PCOLCE2: variants seen among roughly 807,000 people sequenced by gnomAD.
PCOLCE2 encodes procollagen C-endopeptidase enhancer 2.
Under a neutral mutation model 47.0 loss-of-function variants are expected in PCOLCE2, and 42 were observed. The ratio of observed to expected loss-of-function variants is 0.89; its 90% CI spans 0.70 to 1.16. The LOEUF (loss-of-function observed/expected upper bound fraction) is 1.16. PCOLCE2 is among the 50% of genes most tolerant of loss of function. The probability of loss-of-function intolerance (pLI) is 0.00; values close to 1 mark genes in which losing one functional copy is unlikely to be tolerated. For missense variants in PCOLCE2, 500 were observed against 526.1 expected, an observed-to-expected ratio of 0.95 and a Z score of 0.49; for synonymous variants, 169 against 191.7, an observed-to-expected ratio of 0.88 and a Z score of 0.98.
At chr3:142,820,076 T>C (rs951047780) in intron 8 of PCOLCE2, among the ~76,000 whole-genome samples, 1 of 152,010 alleles carries the variant, frequency 6.6e-6, no homozygotes, top group South Asian at 2.1e-4. Context: ...CCATGCTTTA[T>C]GTGGATAGAA....
At chr3:142,837,852 A>T (rs1262752381) in intron 5 of PCOLCE2, among the ~76,000 whole-genome samples, 3 of 152,200 alleles carry the variant, frequency 2.0e-5, no homozygotes, top group Non-Finnish European at 4.4e-5. Context: ...TGGCTCCATA[A>T]ATGTTTGTTG....
chr3:142,837,705 C>G (rs1055259598), intron 5 of PCOLCE2, among the ~76,000 whole-genome samples: 1 of 152,044 alleles, frequency 6.6e-6, no homozygotes, highest in East Asian at 1.9e-4. Context: ...TATATTGCAC[C>G]AGAATTACAC....
chr3:142,847,631 G>A (rs1216190533), intron 3 of PCOLCE2, among the ~76,000 whole-genome samples: 1 of 152,046 alleles, frequency 6.6e-6, no homozygotes, highest in Non-Finnish European at 1.5e-5. Flanking sequence ...GACCTCCCTG[G>A]GCTCAGGTGA....
intron 2 of PCOLCE2, among the ~76,000 whole-genome samples, chr3:142,857,711 C>T (rs532520102): frequency 6.6e-6 from 1 of 152,330 alleles, no homozygotes; most frequent in South Asian, 2.1e-4. Flanking sequence ...ACATCTAGGC[C>T]TCTCCTCTAA....
chr3:142,847,439 T>C (rs1020648131), intron 3 of PCOLCE2, among the ~76,000 whole-genome samples: 3 of 152,238 alleles, frequency 2.0e-5, no homozygotes, highest in African/African-American at 7.2e-5. Context: ...GGTAAAAGGC[T>C]GAAAACATAC....
At chr3:142,848,865 AT>A (rs976383167) in intron 2 of PCOLCE2, among the ~76,000 whole-genome samples, 6 of 152,272 alleles carry the variant, frequency 3.9e-5, no homozygotes, top group African/African-American at 1.4e-4. Flanking sequence ...TAAAAATATC[AT>A]TTCTTGGCCA....
At chr3:142,844,860 T>C (rs964565996) in intron 3 of PCOLCE2, among the ~76,000 whole-genome samples, 2 of 152,212 alleles carry the variant, frequency 1.3e-5, no homozygotes, top group Non-Finnish European at 2.9e-5. Context: ...TTTGTAACCA[T>C]GTCTTTTTAT....
intron 5 of PCOLCE2, among the ~76,000 whole-genome samples, chr3:142,833,979 T>C (rs1415706506): frequency 6.6e-6 from 1 of 152,194 alleles, no homozygotes. Flanking sequence ...ATTTTTTGTG[T>C]GATATTAGCT....
In PCOLCE2 at chr3:142,850,651, A is replaced by C. The variant is rs1406486432; in HGVS notation, c.193-2179T>G. ...GCAACACAGAAGTTTAGCAACCAGA[A>C]GTCACTGGTAATGCTGACAAAGCTG... On this transcript the variant is annotated intron_variant, in intron 2 of 8. Coordinates refer to ENST00000295992, the MANE Select transcript of PCOLCE2 (RefSeq NM_013363.4). 3.3e-5 allele frequency among the ~76,000 whole-genome samples: 5 copies of C among 152,230 alleles called. No homozygotes were observed. The East Asian group carries it at 9.6e-4, about 29-fold the overall frequency.
At chr3:142,862,008 CTG>C (rs1341868523) in intron 2 of PCOLCE2, among the ~76,000 whole-genome samples, 1 of 152,192 alleles carries the variant, frequency 6.6e-6, no homozygotes, top group Non-Finnish European at 1.5e-5. Flanking sequence ...AGTACACAGA[CTG>C]TAATTACCCT....
intron 2 of PCOLCE2, chr3:142,887,373 C>A: frequency 4.1e-6 from 1 of 246,506 alleles, no homozygotes; most frequent in Non-Finnish European, 7.7e-6. Flanking sequence ...CTGAAAACAG[C>A]TTTAATTATG....
At chr3:142,884,373 G>C (rs982219602) in intron 2 of PCOLCE2, among the ~76,000 whole-genome samples, 2 of 152,102 alleles carry the variant, frequency 1.3e-5, no homozygotes, top group Non-Finnish European at 2.9e-5. Context: ...ACTTTCCAAA[G>C]GATTATATAT....
At chr3:142,848,090 A>G (rs1290270935) in intron 3 of PCOLCE2, 127 bp downstream of exon 3, 2 of 886,586 alleles carry the variant, frequency 2.3e-6, no homozygotes, top group Non-Finnish European at 3.4e-6. Flanking sequence ...TGGTCTCATC[A>G]TGGTTTGATG....
chr3:142,829,311 A>C, intron 6 of PCOLCE2, among the ~76,000 whole-genome samples: 1 of 151,788 alleles, frequency 6.6e-6, no homozygotes, highest in Non-Finnish European at 1.5e-5. Flanking sequence ...AAACATTGGC[A>C]GAATATGAAA....
intron 2 of PCOLCE2, among the ~76,000 whole-genome samples, chr3:142,870,502 C>A (rs1480521300): frequency 6.6e-6 from 1 of 152,114 alleles, no homozygotes; most frequent in East Asian, 1.9e-4. Context: ...AGGAAGACTC[C>A]AAACTCTCAG....
At position 142,826,889 on chromosome 3, in the gene PCOLCE2, G is replaced by A. The variant is rs560098232; in HGVS notation, c.865+2803C>T. 5.9e-5 allele frequency among the ~76,000 whole-genome samples: 9 copies of A among 151,986 alleles called. No individual in the cohort carries two copies. The East Asian group carries it at 9.7e-4, about 16-fold the overall frequency. On this transcript the variant is annotated intron_variant, in intron 6 of 8. Coordinates refer to ENST00000295992, the MANE Select transcript of PCOLCE2 (RefSeq NM_013363.4). ...TCCCAGTTCTCCTCCCTCCTCCCTC[G>A]CCACTGCTTTTCAGTCACCTTTGCC...
chr3:142,884,061 T>C (rs373084920), intron 2 of PCOLCE2, among the ~76,000 whole-genome samples: 1 of 152,216 alleles, frequency 6.6e-6, no homozygotes, highest in East Asian at 1.9e-4. Context: ...GTCCTGCCTA[T>C]GTTGCAGTGA....
At chr3:142,846,163 T>G (rs1174269895) in intron 3 of PCOLCE2, among the ~76,000 whole-genome samples, 2 of 152,220 alleles carry the variant, frequency 1.3e-5, no homozygotes, top group South Asian at 2.1e-4. Context: ...ATTTGTCCTG[T>G]GGAGTTTGTT....
intron 6 of PCOLCE2, among the ~76,000 whole-genome samples, chr3:142,826,566 A>G (rs551714873): frequency 6.6e-6 from 1 of 152,228 alleles, no homozygotes; most frequent in East Asian, 1.9e-4. Context: ...CATCAACATA[A>G]GCAGGTTCAA....
Sources: gnomAD v4.1 joint callset for allele counts (sites outside exome capture counted in the v4.1 genomes callset) on GRCh38, gnomAD v4.1.1 for gene constraint, MANE v1.5 for transcripts, NCBI Gene and HGNC (gene_info 2026-07-23, HGNC 2026-07-21) for gene names.